KHDRBS2: variants seen among roughly 807,000 people sequenced by gnomAD.
The protein encoded by KHDRBS2 is KH RNA binding domain containing, signal transduction associated 2.
A neutral mutation model predicts 44.3 loss-of-function variants in KHDRBS2; 26 were observed. That is an observed-to-expected ratio of 0.59 (90% CI 0.43 to 0.81). The LOEUF (loss-of-function observed/expected upper bound fraction) is 0.81, where lower values mean the gene tolerates loss of function less well. KHDRBS2 is among the 40% of genes least tolerant of loss of function. The pLI is 0.00. For missense variants in KHDRBS2, 476 were observed against 433.1 expected (o/e 1.10, Z -0.88); for synonymous variants, 194 against 151.1 (o/e 1.28, Z -2.08).
chr6:61,612,387 G>A, the KHDRBS2 span, among the ~76,000 whole-genome samples: 1 of 152,152 alleles, frequency 6.6e-6, no homozygotes, highest in Non-Finnish European at 1.5e-5. Context: ...AAAGTGGTTT[G>A]TTAGAATAAA....
intron 1 of KHDRBS2, among the ~76,000 whole-genome samples, chr6:62,264,646 C>A (rs1370436950): frequency 1.3e-5 from 2 of 151,668 alleles, no homozygotes; most frequent in African/African-American, 4.8e-5. Flanking sequence ...TTGTGACATG[C>A]AATAATTGAC....
intron 2 of KHDRBS2, among the ~76,000 whole-genome samples, chr6:62,147,997 T>A (rs1234593451): frequency 6.6e-6 from 1 of 152,044 alleles, no homozygotes; most frequent in Non-Finnish European, 1.5e-5. Context: ...TTAAATATTC[T>A]GAAGCAAGCA....
At chr6:61,992,950 C>T (rs1362846019) in intron 3 of KHDRBS2, among the ~76,000 whole-genome samples, 6 of 152,212 alleles carry the variant, frequency 3.9e-5, no homozygotes, top group African/African-American at 9.6e-5. Flanking sequence ...CTGTAAGAGA[C>T]GGCGTATATG....
chr6:61,666,507 C>G, the KHDRBS2 span, among the ~76,000 whole-genome samples: 2 of 151,234 alleles, frequency 1.3e-5, no homozygotes, highest in Non-Finnish European at 3.0e-5. Flanking sequence ...CTTCCTAATA[C>G]AAAAGTGCAT....
intron 3 of KHDRBS2, among the ~76,000 whole-genome samples, chr6:62,041,017 A>T (rs375088692): frequency 6.6e-6 from 1 of 152,106 alleles, no homozygotes; most frequent in Non-Finnish European, 1.5e-5. Context: ...TATTGGTTAT[A>T]TTGCATTTGT....
intron 6 of KHDRBS2, among the ~76,000 whole-genome samples, chr6:61,813,428 T>C (rs147920120): frequency 2.5e-3 from 381 of 152,232 alleles, no homozygotes; most frequent in Non-Finnish European, 4.6e-3. Flanking sequence ...AGGGAGACCA[T>C]TGAATTGGTA....
intron 2 of KHDRBS2, among the ~76,000 whole-genome samples, chr6:62,077,450 A>G (rs1224223724): frequency 1.3e-5 from 2 of 152,070 alleles, no homozygotes; most frequent in Non-Finnish European, 2.9e-5. Flanking sequence ...ACTCATATGT[A>G]CGTCTGCATT....
At chr6:61,555,820 C>A in the KHDRBS2 span, among the ~76,000 whole-genome samples, 2 of 152,172 alleles carry the variant, frequency 1.3e-5, no homozygotes, top group African/African-American at 4.8e-5. Context: ...GGGCTATATG[C>A]TTTAACTTGG....
At chr6:61,676,692 CAG>C (rs1400814199), downstream of KHDRBS2, among the ~76,000 whole-genome samples, 2 of 151,836 alleles carry the variant, frequency 1.3e-5, no homozygotes, top group African/African-American at 4.8e-5. Flanking sequence ...GCGCCTCACA[CAG>C]AGTGGTGTGG....
chr6:62,266,319 G>A (rs1839191501), intron 1 of KHDRBS2, among the ~76,000 whole-genome samples: 1 of 151,986 alleles, frequency 6.6e-6, no homozygotes, highest in Non-Finnish European at 1.5e-5. Context: ...CTTGAGGGCT[G>A]GCTCTGGCTG....
At chr6:61,772,289 A>T (rs1781057651) in intron 6 of KHDRBS2, among the ~76,000 whole-genome samples, 1 of 152,218 alleles carries the variant, frequency 6.6e-6, no homozygotes, top group African/African-American at 2.4e-5. Flanking sequence ...CACATTCAAA[A>T]GCTAGCAGAA....
intron 2 of KHDRBS2, among the ~76,000 whole-genome samples, chr6:62,163,943 A>C (rs1464998670): frequency 6.6e-6 from 1 of 151,988 alleles, no homozygotes; most frequent in Non-Finnish European, 1.5e-5. Context: ...AATGTTTTAA[A>C]GTTAAGTCAT....
intron 2 of KHDRBS2, among the ~76,000 whole-genome samples, chr6:62,048,901 C>T (rs188187687): frequency 6.6e-6 from 1 of 151,962 alleles, no homozygotes; most frequent in East Asian, 1.9e-4. Context: ...ATAAGTAAGA[C>T]TAAGTAAAAT....
Position 62,013,903 on chromosome 6 carries a change from G to A in KHDRBS2, c.336+33975C>T, listed in dbSNP as rs554491414. ...TAAATAGCAGAATTAAGTCAAAGAG[G>A]TGCTAGCAACCACAGGAAGGAAAGA... On this transcript the variant is annotated intron_variant, in intron 3 of 8. Coordinates refer to ENST00000281156, the MANE Select transcript of KHDRBS2 (RefSeq NM_152688.4). Among the ~76,000 whole-genome samples the A allele has an allele frequency of 3.3e-5, 5 of 152,272 alleles. No individual in the cohort carries two copies. In the East Asian group the frequency reaches 9.7e-4, roughly 29 times the overall value.
chr6:61,615,122 A>T, the KHDRBS2 span, among the ~76,000 whole-genome samples: 5 of 148,784 alleles, frequency 3.4e-5, no homozygotes, highest in African/African-American at 4.9e-5. Flanking sequence ...AATCCCAGCT[A>T]CTCGGGAGGC....
Position 62,263,333 on chromosome 6 carries a change from G to T in KHDRBS2, c.91+22525C>A, listed in dbSNP as rs1333541186. Reference sequence around the variant, plus strand: ...ACACAGTGGTATTTTTAGTATGTTTGGGATCTAGCAGCTACTGTAATATCA... The same window carrying T: ...ACACAGTGGTATTTTTAGTATGTTTTGGATCTAGCAGCTACTGTAATATCA... On this transcript the variant is annotated intron_variant, in intron 1 of 8. Transcript: ENST00000281156. Among the ~76,000 whole-genome samples the T allele has an allele frequency of 3.3e-5, 5 of 151,476 alleles. No individual in the cohort carries two copies. The Admixed American group carries it at 3.3e-4, about 10-fold the overall frequency.
At chr6:62,073,437 T>C (rs189863179) in intron 2 of KHDRBS2, among the ~76,000 whole-genome samples, 93 of 151,680 alleles carry the variant, frequency 6.1e-4, no homozygotes, top group African/African-American at 2.2e-3. Flanking sequence ...AGTAGTTTTG[T>C]TTTGTCTCTT....
intron 6 of KHDRBS2, among the ~76,000 whole-genome samples, chr6:61,849,497 C>T (rs967049843): frequency 3.9e-5 from 6 of 152,020 alleles, no homozygotes; most frequent in Admixed American, 1.3e-4. Flanking sequence ...AACTTAAGTC[C>T]TATTCCAATC....
chr6:62,063,522 C>T (rs950281121), intron 2 of KHDRBS2, among the ~76,000 whole-genome samples: 109 of 151,534 alleles, frequency 7.2e-4, no homozygotes, highest in African/African-American at 2.5e-3. Context: ...GAGCCACAGA[C>T]AAAAACCACA....
Sources: allele counts gnomAD v4.1 joint callset (sites outside exome capture counted in the v4.1 genomes callset), GRCh38; gene constraint gnomAD v4.1.1; transcripts MANE v1.5; gene names NCBI Gene and HGNC (gene_info 2026-07-23, HGNC 2026-07-21).